Variants in MBD3 observed in about 807,000 individuals in gnomAD.
The protein encoded by MBD3 is methyl-CpG binding domain protein 3.
MBD3 carries 13 observed loss-of-function variants against 31.2 expected under a neutral mutation model. That is an observed-to-expected ratio of 0.42 (90% CI 0.27 to 0.66). MBD3 has a LOEUF of 0.66. MBD3 is among the 30% of genes least tolerant of loss of function. The pLI is 0.26. For missense variants in MBD3, 440 were observed against 426.5 expected (o/e 1.03, Z -0.28); for synonymous variants, 223 against 187.4 (o/e 1.19, Z -1.55).
Position 1,589,134 on chromosome 19 carries a change from C to T in MBD3, c.110+3388G>A, listed in dbSNP as rs142012014. 1.9e-3 allele frequency among the ~76,000 whole-genome samples: 290 copies of T among 151,988 alleles called. 10 individuals carry two copies. The East Asian group carries it at 0.051, about 27-fold the overall frequency. On this transcript the variant is annotated intron_variant, in intron 1 of 6. Coordinates refer to ENST00000434436, the MANE Select transcript of MBD3 (RefSeq NM_001281453.2). The stretch of plus-strand genomic sequence containing the variant: ...ATCACCTGAGATCAGGAGTTCGAGA[C>T]CAGCCTGACCAACATGGTGAAACCC...
intron 1 of MBD3, among the ~76,000 whole-genome samples, chr19:1,589,031 G>A (rs183107363): frequency 1.3e-5 from 2 of 152,082 alleles, no homozygotes; most frequent in African/African-American, 2.4e-5. Context: ...ACTGTATCTC[G>A]ATAACACCTT....
rs148651929 is a variant in MBD3 at position 1,591,174 on chromosome 19, G to A, written c.110+1348C>T. The stretch of plus-strand genomic sequence containing the variant: ...CTGACCCCAGTCTCATTCAGGCCCC[G>A]TCATCTGCCCTCCCAGATTTCAGCA... On this transcript the variant is annotated intron_variant, in intron 1 of 6. Coordinates refer to ENST00000434436, the MANE Select transcript of MBD3 (RefSeq NM_001281453.2). Among the ~76,000 whole-genome samples the A allele has an allele frequency of 2.2e-3, 332 of 152,288 alleles. 4 individuals are homozygous for A. In the Middle Eastern group the frequency reaches 0.027, roughly 12 times the overall value.
In MBD3 at chr19:1,575,311, T is replaced by TGA. The variant is rs1455700109; in HGVS notation, c.*2851_*2852dup. On this transcript the variant is annotated 3_prime_UTR_variant, in exon 7 of 7. Transcript: ENST00000434436. Reference sequence around the variant, plus strand: ...TGGGCGTGGTGGCTACTCGGGAGGCTGAGGCTTGAACCCAGAAGGTGGAGG... The same window carrying TGA: ...TGGGCGTGGTGGCTACTCGGGAGGCTGAGAGGCTTGAACCCAGAAGGTGGAGG... The TGA allele has an allele frequency of 2.3e-6, 1 of 442,408 alleles. No individual in the cohort carries two copies. The allele number at this position is 442,408 out of a possible 1,614,324, so 27.4% of individuals were successfully genotyped here.
intron 1 of MBD3, chr19:1,586,196 A>C (rs1195676820): frequency 6.6e-6 from 1 of 152,256 alleles, no homozygotes. Flanking sequence ...CATCACTTCT[A>C]CACGGATGTC....
At chr19:1,587,562 GCAC>G (rs1173887059) in intron 1 of MBD3, among the ~76,000 whole-genome samples, 1 of 152,096 alleles carries the variant, frequency 6.6e-6, no homozygotes, top group Non-Finnish European at 1.5e-5. Context: ...CTACACGTGT[GCAC>G]CACCATGCCC....
rs1917194032 is a variant in MBD3 at position 1,576,465 on chromosome 19, C to G, written c.*1699G>C. On this transcript the variant is annotated 3_prime_UTR_variant, in exon 7 of 7. Coordinates refer to ENST00000434436, the MANE Select transcript of MBD3 (RefSeq NM_001281453.2). ...CACGATCCCTAGGCTGAGCCAGCGG[C>G]ACCTCAGGGGGCACGGCCCTTGCCC... 1 of 152,318 alleles carries G rather than the reference C, an allele frequency of 6.6e-6. No homozygotes were observed. The highest frequency in any genetic ancestry group is 1.5e-5 in the Non-Finnish European group (1 of 68,134). The allele number at this position is 152,318 out of a possible 1,614,324, so 9.4% of individuals were successfully genotyped here.
chr19:1,590,532 C>A (rs1157068666), intron 1 of MBD3, among the ~76,000 whole-genome samples: 3 of 152,050 alleles, frequency 2.0e-5, no homozygotes. Flanking sequence ...CTGAGAGGGT[C>A]GCCTGAGCCT....
rs1479922050 is a variant in MBD3, at chr19:1,576,884, G to A, written c.*1280C>T. On this transcript the variant is annotated 3_prime_UTR_variant, in exon 7 of 7. Transcript: ENST00000434436. ...TCCTGAGGATTTGTGCTTTGACTCT[G>A]ACAGGGAGCAGCAGGAAGCTGCCAG... 2.0e-5 allele frequency: 3 copies of A among 152,328 alleles called. No homozygotes were observed. The highest frequency in any genetic ancestry group is 2.1e-4 in the South Asian group (1 of 4,838). 9.4% of individuals were successfully genotyped at this position (152,328 alleles called of 1,614,324 possible). A position where few individuals can be genotyped will look rare whatever the true frequency, so the allele number is the denominator to read the frequency against.
chr19:1,587,245 G>A (rs1200783170), intron 1 of MBD3, among the ~76,000 whole-genome samples: 1 of 151,940 alleles, frequency 6.6e-6, no homozygotes, highest in Non-Finnish European at 1.5e-5. Context: ...GATTACAGGC[G>A]TGAGCCACCG....
chr19:1,587,476 G>A (rs1424403228), intron 1 of MBD3, among the ~76,000 whole-genome samples: 2 of 151,694 alleles, frequency 1.3e-5, no homozygotes, highest in African/African-American at 4.9e-5. Context: ...GTGCAGTGGT[G>A]TGATCACAGC....
rs374313990 is a variant in MBD3, at chr19:1,592,606, G to A, written c.26C>T (p.Pro9Leu). The A allele has an allele frequency of 4.3e-6, 6 of 1,399,016 alleles. No individual in the cohort carries two copies. The highest frequency in any genetic ancestry group is 5.7e-6 in the Non-Finnish European group (6 of 1,051,036). The allele number at this position is 1,399,016 out of a possible 1,614,324, so 86.7% of individuals were successfully genotyped here. The change falls in exon 1 of 7, where the codon CCG becomes CTG. Residue 9 changes from proline (P) to leucine (L), a missense_variant. Physicochemically the swap from Pro to Leu is moderately conservative, Grantham distance 98. Coordinates refer to ENST00000434436, the MANE Select transcript of MBD3 (RefSeq NM_001281453.2). Reference protein sequence around the residue: MERKRWECPALPQGWEREE... With the variant: MERKRWECLALPQGWEREE... ...CCTCTCCCAGCCCTGCGGGAGCGCCGGGCACTCCCACCTCTTCCGCTCCAT... is the reference window on the plus strand; with the variant it reads ...CCTCTCCCAGCCCTGCGGGAGCGCCAGGCACTCCCACCTCTTCCGCTCCAT...
intron 1 of MBD3, 23 bp downstream of exon 1, chr19:1,592,499 G>C: frequency 7.5e-7 from 1 of 1,332,022 alleles, no homozygotes. Flanking sequence ...TTGAGGCCCT[G>C]CGCGGCCGGC....
chr19:1,578,223 G>C lies in MBD3; in HGVS notation c.*6-65C>G, dbSNP rs1917256668. The C allele has an allele frequency of 2.0e-6, 3 of 1,518,768 alleles. No homozygotes were observed. The highest frequency in any genetic ancestry group is 2.7e-6 in the Non-Finnish European group (3 of 1,115,190). 94.1% of individuals were successfully genotyped at this position (1,518,768 alleles called of 1,614,324 possible). On this transcript the variant is annotated intron_variant, in intron 6 of 6. Coordinates refer to ENST00000434436, the MANE Select transcript of MBD3 (RefSeq NM_001281453.2). The surrounding 1 kb of genome is among the most constrained non-coding windows in gnomAD (Gnocchi z 6.1). The stretch of plus-strand genomic sequence containing the variant: ...GGACGGGGACGCTTGGGCTCTTCTA[G>C]GGAGATGGGAAGCTCTTGGGAGGCA...
rs1346409571 is a variant in MBD3 at position 1,575,570 on chromosome 19, C to T, written c.*2594G>A. 1 of 188,964 alleles carries T rather than the reference C, an allele frequency of 5.3e-6. No individual in the cohort carries two copies. Among genetic ancestry groups the T allele is most frequent in the Non-Finnish European group, 1.1e-5 (1 of 88,452 alleles). 11.7% of individuals were successfully genotyped at this position (188,964 alleles called of 1,614,324 possible). On this transcript the variant is annotated 3_prime_UTR_variant, in exon 7 of 7. Coordinates refer to ENST00000434436, the MANE Select transcript of MBD3 (RefSeq NM_001281453.2). ...GCATTGGGAGCTCAGGCTTCCCCGC[C>T]CCATGCCAGGTCTGGGTTCTGGGGC...
At chr19:1,579,507 G>A (rs1917299285) in intron 5 of MBD3, among the ~76,000 whole-genome samples, 1 of 152,022 alleles carries the variant, frequency 6.6e-6, no homozygotes, top group South Asian at 2.1e-4. Flanking sequence ...CAAAGAGCCC[G>A]TCTCTGTTCT....
rs554604104 is a variant in MBD3, at chr19:1,587,362, A to G, written c.111-2148T>C. Among the ~76,000 whole-genome samples the G allele has an allele frequency of 1.5e-3, 220 of 151,500 alleles. 1 individual carries two copies. Among genetic ancestry groups the G allele is most frequent in the African/African-American group, 5.1e-3 (212 of 41,254 alleles). On this transcript the variant is annotated intron_variant, in intron 1 of 6. Coordinates refer to ENST00000434436, the MANE Select transcript of MBD3 (RefSeq NM_001281453.2). ...AGCAGTCCTCCCATCTTCCCTCCCA[A>G]AGCTTTGGGATTAAAGGTGAGTCAT...
intron 1 of MBD3, chr19:1,591,918 G>A (rs1439722193): frequency 6.6e-6 from 1 of 152,082 alleles, no homozygotes; most frequent in Non-Finnish European, 1.5e-5. Flanking sequence ...GAAAGCCTCA[G>A]GTCTCCACCC....
rs778921286 is a variant in MBD3 at position 1,578,370 on chromosome 19, G to A, written c.846C>T (p.Pro282=). 1.0e-5 allele frequency: 16 copies of A among 1,603,900 alleles called. 1 individual carries two copies. The highest frequency in any genetic ancestry group is 1.7e-4 in the Middle Eastern group (1 of 5,894). ...CGTGCTCCATCTCCGGGTCCGGGTCGGGCTCCTCCTCCTCCTCCTCCTCGT... is the reference window on the plus strand; with the variant it reads ...CGTGCTCCATCTCCGGGTCCGGGTCAGGCTCCTCCTCCTCCTCCTCCTCGT... ...EEDEEEEEEE[P]DPDPEMEHV The change falls in exon 6 of 7, where the codon CCC becomes CCT. Residue 282 remains proline (P), a synonymous_variant. Transcript: ENST00000434436. The surrounding 1 kb of genome is among the most constrained non-coding windows in gnomAD (Gnocchi z 6.1).
chr19:1,582,753 C>T (rs1449577391), intron 3 of MBD3, 41 bp from the exon 4 acceptor site: 1 of 1,552,414 alleles, frequency 6.4e-7, no homozygotes, highest in Non-Finnish European at 8.8e-7. Flanking sequence ...GTGGCCCTGC[C>T]CTCTCCCCAC....
Sources: gnomAD v4.1 joint callset for allele counts (sites outside exome capture counted in the v4.1 genomes callset) on GRCh38, gnomAD v4.1.1 for gene constraint, Gnocchi (gnomAD v3.1) non-coding constraint, MANE v1.5 for transcripts, NCBI Gene and HGNC (gene_info 2026-07-23, HGNC 2026-07-21) for gene names.